The following ADAR variants were observed in gnomAD, a reference collection of about 807,000 sequenced individuals.
ADAR encodes the protein double-stranded RNA-specific adenosine deaminase.
A neutral mutation model predicts 113.2 loss-of-function variants in ADAR; 41 were observed. That is an observed-to-expected ratio of 0.36 (90% confidence interval 0.28 to 0.47). ADAR has a LOEUF of 0.47. ADAR is among the 20% of genes least tolerant of loss of function. The probability of loss-of-function intolerance (pLI) is 1.00; values close to 1 mark genes in which losing one functional copy is unlikely to be tolerated. For synonymous variants in ADAR, 605 were observed against 572.6 expected, an observed-to-expected ratio of 1.06 and a Z score of -0.81; for missense variants, 1,242 against 1,540.9, an observed-to-expected ratio of 0.81 and a Z score of 3.25.
chr1:154,608,212 G>A (rs991592394), upstream of ADAR: 37 of 593,130 alleles, frequency 6.2e-5, no homozygotes, highest in South Asian at 3.4e-4. Context: ...TCCTCGGAAA[G>A]CCTTCCCCTC....
chr1:154,587,989 G>A (rs1696876002), intron 11 of ADAR, 136 bp downstream of exon 11: 2 of 1,359,718 alleles, frequency 1.5e-6, no homozygotes, highest in Non-Finnish European at 2.1e-6. Context: ...CCCTGACCCA[G>A]GTCTTCCCTT....
chr1:154,601,580 A>C lies in ADAR; in HGVS notation c.1062T>G (p.His354Gln), dbSNP rs767103774. Residue 354 changes from histidine to glutamine, a missense_variant, in exon 2 of 15, where the codon CAT (histidine) becomes CAG (glutamine). Transcript: ENST00000368474. This position sits in a 1 kb window ranked among gnomAD's most constrained non-coding sequence, Gnocchi z 4.7. The stretch of plus-strand genomic sequence containing the variant: ...TCCTCTCTCGCTTCTTGTCTGTCAA[A>C]TGCCATATGGGAGGGGTTGTCCCTT... ...YRQGTTPPIW[H>Q]LTDKKRERMQ... 6 of 1,612,408 alleles carry C rather than the reference A, an allele frequency of 3.7e-6. No individual in the cohort carries two copies. Among genetic ancestry groups the C allele is most frequent in the Non-Finnish European group, 5.1e-6 (6 of 1,180,022 alleles).
chr1:154,591,630 C>A (rs1418292198), intron 6 of ADAR, among the ~76,000 whole-genome samples: 1 of 152,236 alleles, frequency 6.6e-6, no homozygotes, highest in East Asian at 1.9e-4. Context: ...CCAGACAAGG[C>A]ATCAAGAATC....
At chr1:154,620,731 T>C (rs188508008) in intron 1 of ADAR, among the ~76,000 whole-genome samples, 131 of 152,346 alleles carry the variant, frequency 8.6e-4, no homozygotes, top group African/African-American at 2.9e-3. Context: ...TTGGGGGTAG[T>C]GGTGACTACC....
At position 154,602,333 on chromosome 1, in the gene ADAR, C is replaced by A. The variant is rs141224623; in HGVS notation, c.309G>T (p.Gly103=). The A allele has an allele frequency of 2.2e-5, 35 of 1,611,098 alleles. No homozygotes were observed. The African/African-American group carries it at 4.4e-4, about 20-fold the overall frequency. Residue 103 remains glycine, a synonymous_variant, in exon 2 of 15, where the codon GGG becomes GGT. Transcript: ENST00000368474. ...VPRGVHLRSQ[G]LQRGFQHPSP... is the part of the protein sequence containing the mutation. ...AAGGATGCTGGAACCCTCTCTGGAG[C>A]CCCTGACTTCTGAGATGCACGCCCC...
chr1:154,625,792 G>A (rs1249988975), intron 1 of ADAR, among the ~76,000 whole-genome samples: 3 of 152,082 alleles, frequency 2.0e-5, no homozygotes, highest in Non-Finnish European at 4.4e-5. Flanking sequence ...ATCACCTGAG[G>A]TCAGGAGTTC....
chr1:154,604,550 G>A (rs1698075437), intron 1 of ADAR, among the ~76,000 whole-genome samples: 2 of 152,170 alleles, frequency 1.3e-5, no homozygotes. Context: ...TTCGCTGTGT[G>A]GTGGTCAATT....
chr1:154,588,447 G>A lies in ADAR; in HGVS notation c.2885+104C>T, dbSNP rs1008308544. 8.4e-6 allele frequency: 13 copies of A among 1,549,000 alleles called. No individual in the cohort carries two copies. The African/African-American group carries it at 1.8e-4, about 21-fold the overall frequency. On this transcript the variant is annotated intron_variant, in intron 10 of 14. Coordinates refer to ENST00000368474, the MANE Select transcript of ADAR (RefSeq NM_001111.5). The stretch of plus-strand genomic sequence containing the variant: ...GGACCTCAAACCCACAGTGGAGTGT[G>A]GCTTATTGTATCAGGTTCGATTTAC...
At chr1:154,611,531 C>T (rs1257178605), upstream of ADAR, among the ~76,000 whole-genome samples, 1 of 151,854 alleles carries the variant, frequency 6.6e-6, no homozygotes, top group East Asian at 1.9e-4. Context: ...AAAAAATTAA[C>T]CAAAAATAAT....
rs1557871230 is a variant in ADAR at position 154,590,153 on chromosome 1, CAAAAAAGG to C, written c.2496+23_2496+30del. 22 of 1,114,108 alleles carry C rather than the reference CAAAAAAGG, an allele frequency of 2.0e-5. No homozygotes were observed. In the African/African-American group the frequency reaches 2.1e-4, roughly 11 times the overall value. The allele number at this position is 1,114,108 out of a possible 1,614,324, so 69.0% of individuals were successfully genotyped here. A position where few individuals can be genotyped will look rare whatever the true frequency, so the allele number is the denominator to read the frequency against. On this transcript the variant is annotated intron_variant, in intron 7 of 14. Coordinates refer to ENST00000368474, the MANE Select transcript of ADAR (RefSeq NM_001111.5). Reference sequence around the variant, plus strand: ...AGGAGTTAGGAGGACCCCCCCGCCCCAAAAAAGGCACCAAAAGTAGACGTCTTAACTGT... The same window carrying C: ...AGGAGTTAGGAGGACCCCCCCGCCCCCACCAAAAGTAGACGTCTTAACTGT...
chr1:154,584,719 C>T lies in ADAR; in HGVS notation c.*87G>A. 1.7e-6 allele frequency: 2 copies of T among 1,182,942 alleles called. No individual in the cohort carries two copies. Among genetic ancestry groups the T allele is most frequent in the Admixed American group, 1.9e-5 (1 of 51,554 alleles). 73.3% of individuals were successfully genotyped at this position (1,182,942 alleles called of 1,614,324 possible). On this transcript the variant is annotated 3_prime_UTR_variant, in exon 15 of 15. Coordinates refer to ENST00000368474, the MANE Select transcript of ADAR (RefSeq NM_001111.5). Reference sequence around the variant, plus strand: ...AGAAAAAAAAAGGAGAAAAAAAAATCCCCTGACCATGTGATGAGGAATGCT... The same window carrying T: ...AGAAAAAAAAAGGAGAAAAAAAAATTCCCTGACCATGTGATGAGGAATGCT...
chr1:154,607,954 C>G (rs533340436), intron 1 of ADAR, 38 bp downstream of exon 1: 21 of 1,611,236 alleles, frequency 1.3e-5, no homozygotes, highest in Non-Finnish European at 1.7e-5. Context: ...GTAAACGAAC[C>G]CAGACGGCGG....
Position 154,602,027 on chromosome 1 carries a change from G to A in ADAR, c.615C>T (p.Asn205=). ...CTGGTCTTACCACTCCGCTGTGCTG[G>A]TTCCAAGCCTGAGTGGAGACCGCGA... is the stretch of plus-strand genomic sequence containing the variant. ...WKIAVSTQAW[N]QHSGVVRPDG... Residue 205 remains asparagine (N), a synonymous_variant, in exon 2 of 15, where the codon AAC becomes AAT. Coordinates refer to ENST00000368474, the MANE Select transcript of ADAR (RefSeq NM_001111.5). The A allele has an allele frequency of 6.2e-7, 1 of 1,614,258 alleles. No individual in the cohort carries two copies. The highest frequency in any genetic ancestry group is 1.1e-5 in the South Asian group (1 of 91,090).
intron 1 of ADAR, among the ~76,000 whole-genome samples, chr1:154,620,779 T>A (rs1380148237): frequency 1.3e-5 from 2 of 152,204 alleles, no homozygotes; most frequent in African/African-American, 4.8e-5. Flanking sequence ...ATGTTTTATT[T>A]CTTGATTTGG....
chr1:154,585,534 A>G (rs944250254), intron 13 of ADAR, 190 bp from the exon 14 acceptor site: 1 of 943,946 alleles, frequency 1.1e-6, no homozygotes, highest in African/African-American at 1.7e-5. Context: ...GATTAATTCC[A>G]GACTAAGAGA....
At chr1:154,592,611 G>GGA (rs1697221364) in intron 6 of ADAR, among the ~76,000 whole-genome samples, 1 of 152,066 alleles carries the variant, frequency 6.6e-6, no homozygotes, top group Admixed American at 6.6e-5. Flanking sequence ...GACGAAGGAG[G>GGA]TAAAGGAGAT....
intron 11 of ADAR, 120 bp from the exon 12 acceptor site, chr1:154,586,483 C>T: frequency 9.4e-7 from 1 of 1,065,892 alleles, no homozygotes; most frequent in Non-Finnish European, 1.4e-6. Flanking sequence ...TCACATATTT[C>T]ACAGCCCCTG....
At chr1:154,620,413 AAAAC>A (rs903011500) in intron 1 of ADAR, among the ~76,000 whole-genome samples, 12 of 152,232 alleles carry the variant, frequency 7.9e-5, no homozygotes, top group Non-Finnish European at 1.5e-4. Context: ...CTCAAAAAAA[AAAAC>A]AAACAATGGT....
chr1:154,624,034 A>C (rs1698867927), intron 1 of ADAR, among the ~76,000 whole-genome samples: 1 of 151,986 alleles, frequency 6.6e-6, no homozygotes, highest in Non-Finnish European at 1.5e-5. Context: ...AAAGAAAAAG[A>C]AAGCAGCAAG....
Sources: gnomAD v4.1 joint callset for allele counts (sites outside exome capture counted in the v4.1 genomes callset) on GRCh38, gnomAD v4.1.1 for gene constraint, Gnocchi (gnomAD v3.1) non-coding constraint, MANE v1.5 for transcripts, NCBI Gene and HGNC (gene_info 2026-07-23, HGNC 2026-07-21) for gene names.